Variants in GDI2 observed in about 807,000 individuals in gnomAD.
GDI2 encodes GDP dissociation inhibitor 2.
A neutral mutation model predicts 54.2 loss-of-function variants in GDI2; 22 were observed. The ratio of observed to expected loss-of-function variants is 0.41; its 90% CI spans 0.29 to 0.58. GDI2 has a LOEUF of 0.58. Among genes scored for constraint, GDI2 ranks in the 20% least tolerant of loss-of-function variants. The probability of loss-of-function intolerance (pLI) is 0.35; values close to 1 mark genes in which losing one functional copy is unlikely to be tolerated. For synonymous variants in GDI2, 177 were observed against 182.1 expected (o/e 0.97, Z 0.23); for missense variants, 422 against 546.0 (o/e 0.77, Z 2.26).
chr10:5,809,441 G>A (rs1418838127), intron 1 of GDI2, among the ~76,000 whole-genome samples: 1 of 152,088 alleles, frequency 6.6e-6, no homozygotes, highest in African/African-American at 2.4e-5. Context: ...CCTTGACTTA[G>A]CATTGACTTA....
rs11598319 is a variant in GDI2, at chr10:5,784,701, T to C, written c.719+441A>G. 6.3e-3 allele frequency among the ~76,000 whole-genome samples: 954 copies of C among 152,358 alleles called. 12 individuals are homozygous for C. The highest frequency in any genetic ancestry group is 0.041 in the Middle Eastern group (12 of 294). The stretch of plus-strand genomic sequence containing the variant: ...CTGCAGTGATTGTTATTTCTCTTCT[T>C]GATCTAGCCGCCCAGTGGAGATAAT... On this transcript the variant is annotated intron_variant, in intron 6 of 10. Coordinates refer to ENST00000380191, the MANE Select transcript of GDI2 (RefSeq NM_001494.4).
At chr10:5,806,266 T>C (rs1377537927) in intron 1 of GDI2, among the ~76,000 whole-genome samples, 1 of 152,194 alleles carries the variant, frequency 6.6e-6, no homozygotes, top group East Asian at 1.9e-4. Flanking sequence ...GGTTGAACAC[T>C]TTTTAAATAG....
chr10:5,800,504 C>G (rs1315675354), intron 2 of GDI2, 94 bp downstream of exon 2: 2 of 743,890 alleles, frequency 2.7e-6, no homozygotes, highest in Non-Finnish European at 4.9e-6. Context: ...TTTAACAAAA[C>G]AAAATTAAGA....
Position 5,794,994 on chromosome 10 carries a change from A to T in GDI2, c.279T>A (p.Tyr93Ter). The part of the protein sequence containing the change: ...ANGQLVKMLL[Y>*]TEVTRYLDFK... ...AATCCAGATAGCGAGTTACCTCTGT[A>T]TAAAGCAGCATCTTAACCAGCTGAC... is the stretch of plus-strand genomic sequence containing the variant. Residue 93 changes from tyrosine (Y) to a stop codon, truncating the protein, a stop_gained, in exon 4 of 11, where the codon TAT (tyrosine) becomes TAA (stop). Transcript: ENST00000380191. LOFTEE classifies it high-confidence loss of function. 6.3e-7 allele frequency: 1 copy of T among 1,591,494 alleles called. No individual in the cohort carries two copies. The highest frequency in any genetic ancestry group is 1.1e-5 in the South Asian group (1 of 90,522).
At chr10:5,783,062 T>A (rs535022630) in intron 6 of GDI2, among the ~76,000 whole-genome samples, 2 of 152,282 alleles carry the variant, frequency 1.3e-5, no homozygotes, top group South Asian at 4.1e-4. Flanking sequence ...TAATCTATAG[T>A]GACAGAAATC....
intron 3 of GDI2, among the ~76,000 whole-genome samples, chr10:5,795,331 A>G (rs565589059): frequency 3.3e-5 from 5 of 152,010 alleles, no homozygotes; most frequent in African/African-American, 1.2e-4. Flanking sequence ...CATGTTGCCC[A>G]GGCTGGTCTC....
rs918861100 is a variant in GDI2 at position 5,800,185 on chromosome 10, T to C, written c.153+413A>G. Among the ~76,000 whole-genome samples the C allele has an allele frequency of 5.9e-5, 9 of 152,302 alleles. No individual in the cohort carries two copies. The South Asian group carries it at 1.9e-3, about 32-fold the overall frequency. On this transcript the variant is annotated intron_variant, in intron 2 of 10. Coordinates refer to ENST00000380191, the MANE Select transcript of GDI2 (RefSeq NM_001494.4). ...AAAAAAAGTAGGAAACAAGGCAGTA[T>C]AGCAAAAGGAACTAAGCTTTGTAGT...
intron 3 of GDI2, 112 bp from the exon 4 acceptor site, chr10:5,795,131 A>G (rs1841117564): frequency 1.5e-6 from 1 of 687,244 alleles, no homozygotes; most frequent in Non-Finnish European, 2.5e-6. Flanking sequence ...TAACTCCAAC[A>G]AAATAATTTT....
rs74358549 is a variant in GDI2 at position 5,768,087 on chromosome 10, T to TA, written c.991+125_991+126insT. 1 of 722,282 alleles carries TA rather than the reference T, an allele frequency of 1.4e-6. No homozygotes were observed. The highest frequency in any genetic ancestry group is 1.8e-5 in the South Asian group (1 of 54,824). The allele number at this position is 722,282 out of a possible 1,614,324, so 44.7% of individuals were successfully genotyped here. ...AGCAGGAGGAGGTACAAAGATTTTT[T>TA]TCCCCCATATGTAAACCAAGGTCTG... is the stretch of plus-strand genomic sequence containing the variant. On this transcript the variant is annotated intron_variant, in intron 8 of 10. Coordinates refer to ENST00000380191, the MANE Select transcript of GDI2 (RefSeq NM_001494.4). The surrounding 1 kb of genome is among the most constrained non-coding windows in gnomAD (Gnocchi z 4.4).
chr10:5,801,101 G>A (rs981014419), intron 1 of GDI2, among the ~76,000 whole-genome samples: 4 of 151,950 alleles, frequency 2.6e-5, no homozygotes, highest in South Asian at 2.1e-4. Flanking sequence ...ACAGGTGCCC[G>A]CCACCACACC....
chr10:5,793,722 A>G (rs1217388503), intron 4 of GDI2, among the ~76,000 whole-genome samples: 2 of 152,180 alleles, frequency 1.3e-5, no homozygotes, highest in Admixed American at 6.6e-5. Flanking sequence ...ATCCTTCTCC[A>G]AACTGCTCCA....
chr10:5,808,291 C>T (rs1179250346), intron 1 of GDI2, among the ~76,000 whole-genome samples: 1 of 152,218 alleles, frequency 6.6e-6, no homozygotes, highest in Admixed American at 6.5e-5. Flanking sequence ...CACAACTGCA[C>T]TCCAGCCTGG....
rs1028430226 is a variant in GDI2, at chr10:5,796,765, T to C, written c.251A>G (p.Asn84Ser). 7.1e-7 allele frequency: 1 copy of C among 1,398,836 alleles called. No individual in the cohort carries two copies. The highest frequency in any genetic ancestry group is 1.0e-6 in the Non-Finnish European group (1 of 984,950). 86.7% of individuals were successfully genotyped at this position (1,398,836 alleles called of 1,614,324 possible). The change falls in exon 3 of 11, where the codon AAT becomes AGT. Residue 84 changes from asparagine (N) to serine (S), a missense_variant and splice_region_variant. Transcript: ENST00000380191. ...AATTTAAGTTAGAAATTCTTTACCATTAGCCATAAGGAACTTGGGAATCAA... is the reference window on the plus strand; with the variant it reads ...AATTTAAGTTAGAAATTCTTTACCACTAGCCATAAGGAACTTGGGAATCAA... ...VDLIPKFLMANGQLVKMLLYT... is the reference protein window; with the variant it reads ...VDLIPKFLMASGQLVKMLLYT...
At chr10:5,777,799 G>A (rs535471862) in intron 6 of GDI2, among the ~76,000 whole-genome samples, 1 of 152,278 alleles carries the variant, frequency 6.6e-6, no homozygotes, top group South Asian at 2.1e-4. Flanking sequence ...ATACCCAAAG[G>A]ATTATAAATC....
At chr10:5,813,193 C>A (rs1245201687) in intron 1 of GDI2, 21 bp downstream of exon 1, 9 of 1,522,892 alleles carry the variant, frequency 5.9e-6, no homozygotes, top group South Asian at 3.6e-5. Context: ...TCAGCCCCGG[C>A]CCCTCAGCCC....
chr10:5,803,789 G>A (rs971525583), intron 1 of GDI2, among the ~76,000 whole-genome samples: 4 of 152,178 alleles, frequency 2.6e-5, no homozygotes, highest in Admixed American at 6.5e-5. Context: ...AAGAAACACA[G>A]AGATGGGGCA....
chr10:5,783,753 G>A (rs1328986856), intron 6 of GDI2, among the ~76,000 whole-genome samples: 1 of 152,148 alleles, frequency 6.6e-6, no homozygotes, highest in African/African-American at 2.4e-5. Context: ...AACTTAAGGA[G>A]GCTCAAGATA....
chr10:5,777,433 A>G (rs564591712), intron 6 of GDI2, among the ~76,000 whole-genome samples: 1 of 152,322 alleles, frequency 6.6e-6, no homozygotes, highest in East Asian at 1.9e-4. Flanking sequence ...AGATCATGCC[A>G]TTCCAACTCC....
chr10:5,778,969 A>G (rs1840689196), intron 6 of GDI2, among the ~76,000 whole-genome samples: 1 of 152,236 alleles, frequency 6.6e-6, no homozygotes, highest in Non-Finnish European at 1.5e-5. Flanking sequence ...ATACAATCCA[A>G]CATTACTAGA....
Sources: allele counts gnomAD v4.1 joint callset (sites outside exome capture counted in the v4.1 genomes callset), GRCh38; gene constraint gnomAD v4.1.1; non-coding constraint Gnocchi (gnomAD v3.1); transcripts MANE v1.5; gene names NCBI Gene and HGNC (gene_info 2026-07-23, HGNC 2026-07-21).